Variants in SERINC2 observed in about 807,000 individuals in gnomAD.
SERINC2 encodes the protein serine incorporator 2.
A neutral mutation model predicts 54.2 loss-of-function variants in SERINC2; 56 were observed. That is an observed-to-expected ratio of 1.03 (90% confidence interval 0.83 to 1.29). The LOEUF (loss-of-function observed/expected upper bound fraction) is 1.29. Among genes scored for constraint, SERINC2 ranks in the 50% most tolerant of loss-of-function variants. The pLI is 0.00. For synonymous variants in SERINC2, 272 were observed against 253.1 expected (o/e 1.07, Z -0.71); for missense variants, 614 against 607.4 (o/e 1.01, Z -0.12).
chr1:31,424,646 A>G (rs1320585), intron 2 of SERINC2, 37 bp from the exon 3 acceptor site: 1,493,209 of 1,514,812 alleles, frequency 0.99, 738,444 homozygotes, highest in East Asian at 1. Context: ...GTTCTGTGAG[A>G]GGTGGGGCTT....
chr1:31,425,899 G>C lies in SERINC2; in HGVS notation c.596G>C (p.Arg199Pro), dbSNP rs374319929. The part of the protein sequence containing the change: ...WLGKAEECDS[R>P]AWYAGLFFFT... ...GGCAAGGCCGAGGAGTGCGATTCCCGTGCCTGGTACGCAGGTCAGTGCTGC... is the reference window on the plus strand; with the variant it reads ...GGCAAGGCCGAGGAGTGCGATTCCCCTGCCTGGTACGCAGGTCAGTGCTGC... The change falls in exon 5 of 10, where the codon CGT becomes CCT. Residue 199 changes from arginine to proline, a missense_variant. By Grantham distance (103) the Arg-to-Pro change is moderately radical. Transcript: ENST00000373709. 4.3e-6 allele frequency: 7 copies of C among 1,611,934 alleles called. No individual in the cohort carries two copies. The Admixed American group carries it at 6.7e-5, about 15-fold the overall frequency.
Position 31,413,311 on chromosome 1 carries a change from C to A in SERINC2, c.39+7C>A. 7.9e-7 allele frequency: 1 copy of A among 1,269,956 alleles called. No individual in the cohort carries two copies. Among genetic ancestry groups the A allele is most frequent in the East Asian group, 3.2e-5 (1 of 31,660 alleles). The allele number at this position is 1,269,956 out of a possible 1,614,324, so 78.7% of individuals were successfully genotyped here. ...CTGCTCCCTGCTCAGCTGCGTGAGT[C>A]CCGACCCCGGCGCCCGCCCGCGCGC... On this transcript the variant is annotated splice_region_variant and intron_variant, in intron 1 of 9. Coordinates refer to ENST00000373709, the MANE Select transcript of SERINC2 (RefSeq NM_178865.5). This position sits in a 1 kb window ranked among gnomAD's most constrained non-coding sequence, Gnocchi z 5.0.
intron 1 of SERINC2, among the ~76,000 whole-genome samples, chr1:31,415,279 TAGTG>T (rs1553132086): frequency 2.0e-5 from 3 of 152,128 alleles, no homozygotes; most frequent in East Asian, 1.9e-4. Flanking sequence ...GGAGATAACT[TAGTG>T]AGTAATATCA....
chr1:31,415,024 C>CT (rs1216297750), intron 1 of SERINC2, among the ~76,000 whole-genome samples: 3 of 152,204 alleles, frequency 2.0e-5, no homozygotes, highest in African/African-American at 7.2e-5. Flanking sequence ...GTGCTGGTCT[C>CT]TGAGTTACAG....
upstream of SERINC2, chr1:31,413,147 G>A: frequency 4.0e-6 from 4 of 1,002,686 alleles, no homozygotes; most frequent in South Asian, 1.8e-4. The surrounding 1 kb of genome is among the most constrained non-coding windows in gnomAD (Gnocchi z 5.0). Context: ...GAGCGGCTTC[G>A]GTAGGTGGGG....
chr1:31,411,185 A>G (rs1640642135), upstream of SERINC2, among the ~76,000 whole-genome samples: 1 of 152,046 alleles, frequency 6.6e-6, no homozygotes, highest in South Asian at 2.1e-4. Flanking sequence ...CGGGTTAGGG[A>G]AGGACTGAAA....
At chr1:31,412,537 CAT>C (rs1640668721), upstream of SERINC2, among the ~76,000 whole-genome samples, 1 of 152,110 alleles carries the variant, frequency 6.6e-6, no homozygotes, top group South Asian at 2.1e-4. Context: ...GGCATGGTGG[CAT>C]GCACCTGTAG....
rs1402724694 is a variant in SERINC2, at chr1:31,425,648, G to C, written c.473-128G>C. The stretch of plus-strand genomic sequence containing the variant: ...TATCCTGCCCTCTGTGCGTAGCTAG[G>C]GGCTCCCTGAGGGCAGGGACTCTGT... On this transcript the variant is annotated intron_variant, in intron 4 of 9. Transcript: ENST00000373709. 7.5e-6 allele frequency: 9 copies of C among 1,198,892 alleles called. No homozygotes were observed. The African/African-American group carries it at 1.3e-4, about 18-fold the overall frequency. 74.3% of individuals were successfully genotyped at this position (1,198,892 alleles called of 1,614,324 possible).
chr1:31,412,007 A>G (rs1158261290), upstream of SERINC2, among the ~76,000 whole-genome samples: 32 of 149,908 alleles, frequency 2.1e-4, no homozygotes, highest in African/African-American at 7.6e-4. Context: ...TCTCAAAAAA[A>G]AAAAAAAAAA....
chr1:31,413,600 A>T lies in SERINC2; in HGVS notation c.39+296A>T, dbSNP rs1640699620. On this transcript the variant is annotated intron_variant, in intron 1 of 9. Coordinates refer to ENST00000373709, the MANE Select transcript of SERINC2 (RefSeq NM_178865.5). This position sits in a 1 kb window ranked among gnomAD's most constrained non-coding sequence, Gnocchi z 5.0. ...GGGCGCCCTCCTGGGACCTGGAGAG[A>T]CTAAGCCTGGAGCCCGGGGTCGGGG... Among the ~76,000 whole-genome samples, 2 of 151,494 alleles carry T rather than the reference A, an allele frequency of 1.3e-5. No individual in the cohort carries two copies. The highest frequency in any genetic ancestry group is 4.2e-4 in the South Asian group (2 of 4,790).
Position 31,423,708 on chromosome 1 carries a change from G to A in SERINC2, c.55G>A (p.Gly19Ser), listed in dbSNP as rs1323747003. 12 of 1,609,716 alleles carry A rather than the reference G, an allele frequency of 7.5e-6. No homozygotes were observed. Among genetic ancestry groups the A allele is most frequent in the Admixed American group, 1.7e-5 (1 of 59,986 alleles). The change falls in exon 2 of 10, where the codon GGC becomes AGC. Residue 19 changes from glycine (G) to serine (S), a missense_variant. By Grantham distance (56) the Gly-to-Ser change is moderately conservative. Coordinates refer to ENST00000373709, the MANE Select transcript of SERINC2 (RefSeq NM_178865.5). ...SLLSCASCLC[G>S]SAPCILCSCC... is the part of the protein sequence containing the mutation. ...CCTCCCGCAGGCGTCCTGCCTCTGC[G>A]GCTCTGCCCCCTGCATCCTGTGCAG...
chr1:31,425,926 A>G lies in SERINC2; in HGVS notation c.610+13A>G, dbSNP rs1389528690. 5.0e-6 allele frequency: 8 copies of G among 1,606,880 alleles called. No homozygotes were observed. Among genetic ancestry groups the G allele is most frequent in the Non-Finnish European group, 6.8e-6 (8 of 1,178,194 alleles). ...GCCTGGTACGCAGGTCAGTGCTGCC[A>G]CCCTGCCTCCGTGTGGGGACTCGAG... On this transcript the variant is annotated intron_variant, in intron 5 of 9. Transcript: ENST00000373709.
At position 31,414,600 on chromosome 1, in the gene SERINC2, C is replaced by CGT. The variant is rs373151799; in HGVS notation, c.39+1308_39+1309dup. 78 of 981,182 alleles carry CGT rather than the reference C, an allele frequency of 7.9e-5. No homozygotes were observed. In the African/African-American group the frequency reaches 1.1e-3, roughly 13 times the overall value. 60.8% of individuals were successfully genotyped at this position (981,182 alleles called of 1,614,324 possible). ...CTCGCCTCATTAGGCCTCCATTTTT[C>CGT]GTGTGTGTGTGTGCGTGTGCATGTG... is the stretch of plus-strand genomic sequence containing the variant. On this transcript the variant is annotated intron_variant, in intron 1 of 9. Transcript: ENST00000373709.
rs1316563441 is a variant in SERINC2, at chr1:31,413,325, C to A, written c.39+21C>A. Reference sequence around the variant, plus strand: ...GCTGCGTGAGTCCCGACCCCGGCGCCCGCCCGCGCGCGCCGCCCGTTCCTG... The same window carrying A: ...GCTGCGTGAGTCCCGACCCCGGCGCACGCCCGCGCGCGCCGCCCGTTCCTG... On this transcript the variant is annotated intron_variant, in intron 1 of 9. Transcript: ENST00000373709. The surrounding 1 kb of genome is among the most constrained non-coding windows in gnomAD (Gnocchi z 5.0). 9 of 1,238,210 alleles carry A rather than the reference C, an allele frequency of 7.3e-6. No homozygotes were observed. Among genetic ancestry groups the A allele is most frequent in the Non-Finnish European group, 7.1e-6 (7 of 984,944 alleles). The allele number at this position is 1,238,210 out of a possible 1,614,324, so 76.7% of individuals were successfully genotyped here.
chr1:31,413,317 C>T lies in SERINC2; in HGVS notation c.39+13C>T, dbSNP rs1640692629. On this transcript the variant is annotated intron_variant, in intron 1 of 9. Coordinates refer to ENST00000373709, the MANE Select transcript of SERINC2 (RefSeq NM_178865.5). The surrounding 1 kb of genome is among the most constrained non-coding windows in gnomAD (Gnocchi z 5.0). ...CCTGCTCAGCTGCGTGAGTCCCGAC[C>T]CCGGCGCCCGCCCGCGCGCGCCGCC... The T allele has an allele frequency of 2.4e-6, 3 of 1,256,564 alleles. No homozygotes were observed. The highest frequency in any genetic ancestry group is 3.2e-5 in the South Asian group (1 of 31,378). 77.8% of individuals were successfully genotyped at this position (1,256,564 alleles called of 1,614,324 possible).
intron 8 of SERINC2, among the ~76,000 whole-genome samples, chr1:31,431,691 G>C (rs1200857714): frequency 6.6e-6 from 1 of 152,210 alleles, no homozygotes; most frequent in East Asian, 1.9e-4. Flanking sequence ...CAACCCATGA[G>C]GGCCAGGACC....
Position 31,413,278 on chromosome 1 carries a change from C to G in SERINC2, c.13C>G (p.Leu5Val). ...GGGAGCCGCCGCCATGGGGGCCTGCCTGGGAGCCTGCTCCCTGCTCAGCTG... is the reference window on the plus strand; with the variant it reads ...GGGAGCCGCCGCCATGGGGGCCTGCGTGGGAGCCTGCTCCCTGCTCAGCTG... The part of the protein sequence containing the change: MGAC[L>V]GACSLLSCAS... The change falls in exon 1 of 10, where the codon CTG (leucine) becomes GTG (valine). Residue 5 changes from leucine to valine, a missense_variant. Transcript: ENST00000373709. This position sits in a 1 kb window ranked among gnomAD's most constrained non-coding sequence, Gnocchi z 5.0. 3 of 1,265,378 alleles carry G rather than the reference C, an allele frequency of 2.4e-6. No homozygotes were observed. Among genetic ancestry groups the G allele is most frequent in the Non-Finnish European group, 3.0e-6 (3 of 1,006,934 alleles). 78.4% of individuals were successfully genotyped at this position (1,265,378 alleles called of 1,614,324 possible).
upstream of SERINC2, among the ~76,000 whole-genome samples, chr1:31,412,683 G>C (rs1313460937): frequency 6.6e-6 from 1 of 152,140 alleles, no homozygotes; most frequent in Non-Finnish European, 1.5e-5. Context: ...AAAGGAAGAA[G>C]AAAACAGTGA....
At chr1:31,414,731 G>A (rs1640743512) in intron 1 of SERINC2, 1 of 985,448 alleles carries the variant, frequency 1.0e-6, no homozygotes, top group Non-Finnish European at 1.2e-6. Flanking sequence ...TCCTGGTGAG[G>A]GAGGCAGAGC....
Sources: gnomAD v4.1 joint callset for allele counts (sites outside exome capture counted in the v4.1 genomes callset) on GRCh38, gnomAD v4.1.1 for gene constraint, Gnocchi (gnomAD v3.1) non-coding constraint, MANE v1.5 for transcripts, NCBI Gene and HGNC (gene_info 2026-07-23, HGNC 2026-07-21) for gene names.